Variants in SCD5 observed in about 807,000 individuals in gnomAD.
The protein encoded by SCD5 is acyl-CoA-desaturase 4.
Under a neutral mutation model 30.4 loss-of-function variants are expected in SCD5, and 20 were observed. That is an observed-to-expected ratio of 0.66 (90% confidence interval 0.46 to 0.96). The LOEUF is 0.96. Ranked by LOEUF, SCD5 falls within the 40% of genes least tolerant of loss-of-function variation. SCD5 has a pLI of 0.00. For missense variants in SCD5, 381 were observed against 443.3 expected, an observed-to-expected ratio of 0.86 and a Z score of 1.26; for synonymous variants, 173 against 176.4, an observed-to-expected ratio of 0.98 and a Z score of 0.16.
At chr4:82,664,999 C>CTCTCTA (rs1219554314) in intron 3 of SCD5, among the ~76,000 whole-genome samples, 324 of 70,480 alleles carry the variant, frequency 4.6e-3, no homozygotes, top group Non-Finnish European at 5.2e-3. Context: ...CTCTCTCTCT[C>CTCTCTA]TATATATATA....
intron 1 of SCD5, among the ~76,000 whole-genome samples, chr4:82,761,436 T>C (rs1372675556): frequency 6.6e-6 from 1 of 152,192 alleles, no homozygotes; most frequent in East Asian, 1.9e-4. Context: ...GCTGAGCTGT[T>C]TCCATGGAGA....
intron 1 of SCD5, among the ~76,000 whole-genome samples, chr4:82,752,133 G>A (rs1184564817): frequency 6.6e-6 from 1 of 152,052 alleles, no homozygotes; most frequent in Non-Finnish European, 1.5e-5. Context: ...AAGGCCTGAA[G>A]TATTTAACTT....
intron 1 of SCD5, among the ~76,000 whole-genome samples, chr4:82,749,228 G>C (rs971512132): frequency 5.9e-5 from 9 of 152,176 alleles, no homozygotes; most frequent in Non-Finnish European, 8.8e-5. Flanking sequence ...GTCGCTAGGA[G>C]ATATATGGAG....
chr4:82,679,374 G>A (rs1728520300), intron 3 of SCD5, among the ~76,000 whole-genome samples: 1 of 151,876 alleles, frequency 6.6e-6, no homozygotes, highest in South Asian at 2.1e-4. Context: ...ATTGATACCG[G>A]GTGTTTTCAC....
chr4:82,720,582 C>A (rs1009290497), intron 1 of SCD5, among the ~76,000 whole-genome samples: 2 of 151,294 alleles, frequency 1.3e-5, no homozygotes, highest in Admixed American at 6.6e-5. Context: ...ATAATAAATG[C>A]AGGTTAGAGG....
chr4:82,684,233 T>A (rs2148822282), intron 2 of SCD5, among the ~76,000 whole-genome samples: 1 of 152,336 alleles, frequency 6.6e-6, no homozygotes, highest in South Asian at 2.1e-4. Context: ...ACATTCCAAA[T>A]AATCAAGCAC....
At chr4:82,736,252 C>T (rs1001315829) in intron 1 of SCD5, among the ~76,000 whole-genome samples, 1 of 151,568 alleles carries the variant, frequency 6.6e-6, no homozygotes, top group Non-Finnish European at 1.5e-5. Flanking sequence ...TGTGTCACTG[C>T]ATCCAGCCTG....
At chr4:82,781,235 T>G (rs1296985009) in intron 1 of SCD5, among the ~76,000 whole-genome samples, 1 of 151,938 alleles carries the variant, frequency 6.6e-6, no homozygotes, top group Non-Finnish European at 1.5e-5. Context: ...GGCAACATGG[T>G]GAAACCCTAT....
intron 1 of SCD5, among the ~76,000 whole-genome samples, chr4:82,731,673 C>T (rs755959242): frequency 5.3e-5 from 8 of 152,200 alleles, no homozygotes; most frequent in Non-Finnish European, 8.8e-5. Context: ...AGAGGCAGCG[C>T]AGTTCTTATG....
intron 3 of SCD5, among the ~76,000 whole-genome samples, chr4:82,648,849 C>T (rs567871446): frequency 5.9e-5 from 9 of 152,158 alleles, no homozygotes; most frequent in African/African-American, 1.7e-4. Context: ...AGGAGTCGGT[C>T]GTGCCGAGAC....
At position 82,644,713 on chromosome 4, in the gene SCD5, CATGTAGG is replaced by C. The variant is rs59109011; in HGVS notation, c.570-7897_570-7891del. The stretch of plus-strand genomic sequence containing the variant: ...GATGCTTACCTCTTGGACTGGTGCC[CATGTAGG>C]ATTGTGCACATAAAGCCAAGAACTT... On this transcript the variant is annotated intron_variant, in intron 3 of 4. Transcript: ENST00000319540. Among the ~76,000 whole-genome samples, 751 of 152,240 alleles carry C rather than the reference CATGTAGG, an allele frequency of 4.9e-3. 9 individuals are homozygous for C. The highest frequency in any genetic ancestry group is 0.017 in the African/African-American group (705 of 41,534).
chr4:82,760,261 G>A (rs1721334430), intron 1 of SCD5, among the ~76,000 whole-genome samples: 1 of 152,030 alleles, frequency 6.6e-6, no homozygotes, highest in Non-Finnish European at 1.5e-5. Context: ...ACCCTCCCTT[G>A]CTGATTTGAT....
At chr4:82,734,698 A>G (rs1720710101) in intron 1 of SCD5, among the ~76,000 whole-genome samples, 1 of 152,050 alleles carries the variant, frequency 6.6e-6, no homozygotes. Context: ...ATCTCTTTTT[A>G]GCTGTATTGT....
intron 3 of SCD5, among the ~76,000 whole-genome samples, chr4:82,641,465 G>C (rs1265248086): frequency 6.6e-6 from 1 of 152,008 alleles, no homozygotes; most frequent in Non-Finnish European, 1.5e-5. Context: ...TATATTAAGG[G>C]CAGGCACTGA....
chr4:82,639,329 T>C (rs1727493355), intron 3 of SCD5, among the ~76,000 whole-genome samples: 1 of 152,160 alleles, frequency 6.6e-6, no homozygotes, highest in Non-Finnish European at 1.5e-5. Context: ...AGAAGGCTCT[T>C]AGGGAGTTCT....
At chr4:82,648,911 A>G (rs1190196005) in intron 3 of SCD5, among the ~76,000 whole-genome samples, 2 of 152,154 alleles carry the variant, frequency 1.3e-5, no homozygotes, top group African/African-American at 2.4e-5. Flanking sequence ...ATCTCTTTCT[A>G]TGGAGGTACA....
intron 1 of SCD5, among the ~76,000 whole-genome samples, chr4:82,756,875 G>T (rs989302344): frequency 1.3e-5 from 2 of 152,042 alleles, no homozygotes; most frequent in Non-Finnish European, 2.9e-5. Flanking sequence ...CCAAACTGTT[G>T]TTGTTGTTGA....
intron 3 of SCD5, among the ~76,000 whole-genome samples, chr4:82,654,911 T>C (rs1469151260): frequency 6.6e-6 from 1 of 152,190 alleles, no homozygotes; most frequent in African/African-American, 2.4e-5. Flanking sequence ...GACCTACACA[T>C]AGAGAATTTT....
chr4:82,710,358 T>C (rs1305126290), intron 1 of SCD5, among the ~76,000 whole-genome samples: 1 of 152,036 alleles, frequency 6.6e-6, no homozygotes, highest in African/African-American at 2.4e-5. Flanking sequence ...CCTCAGTAAA[T>C]GCAAAGTGAC....
Sources: allele counts gnomAD v4.1 joint callset (sites outside exome capture counted in the v4.1 genomes callset), GRCh38; gene constraint gnomAD v4.1.1; transcripts MANE v1.5; gene names NCBI Gene and HGNC (gene_info 2026-07-23, HGNC 2026-07-21).